Variants in SDK1 observed in about 807,000 individuals in gnomAD.
The protein encoded by SDK1 is sidekick cell adhesion molecule 1.
A neutral mutation model predicts 245.5 loss-of-function variants in SDK1; 157 were observed. That is an observed-to-expected ratio of 0.64 (90% CI 0.56 to 0.73). SDK1 has a LOEUF of 0.73. Ranked by LOEUF, SDK1 falls within the 30% of genes least tolerant of loss-of-function variation. The pLI is 0.00. For synonymous variants in SDK1, 1,647 were observed against 1,278.5 expected (o/e 1.29, Z -6.15); for missense variants, 3,583 against 3,002.3 (o/e 1.19, Z -4.52).
At chr7:3,622,869 TG>T (rs1781986719) in intron 2 of SDK1, among the ~76,000 whole-genome samples, 1 of 152,166 alleles carries the variant, frequency 6.6e-6, no homozygotes, top group South Asian at 2.1e-4. Flanking sequence ...GACACTTAGA[TG>T]GGTTATCAGG....
intron 1 of SDK1, among the ~76,000 whole-genome samples, chr7:3,442,019 C>T (rs959349070): frequency 6.6e-6 from 1 of 152,160 alleles, no homozygotes; most frequent in African/African-American, 2.4e-5. Flanking sequence ...CCTCACGCCA[C>T]AGATGCCAGT....
At position 3,975,945 on chromosome 7, in the gene SDK1, T is replaced by TGAGGCTGC. The variant is rs1554295534; in HGVS notation, c.1994+1401_1994+1408dup. Reference sequence around the variant, plus strand: ...AGAGAATCACTGAGGGTCCCGGGGCTGAGGCTGCCACGCAGAGGGTCCTCC... The same window carrying TGAGGCTGC: ...AGAGAATCACTGAGGGTCCCGGGGCTGAGGCTGCGAGGCTGCCACGCAGAGGGTCCTCC... On this transcript the variant is annotated intron_variant, in intron 13 of 44. Transcript: ENST00000404826. 1.9e-3 allele frequency among the ~76,000 whole-genome samples: 267 copies of TGAGGCTGC among 138,620 alleles called. 1 individual carries two copies. Among genetic ancestry groups the TGAGGCTGC allele is most frequent in the South Asian group, 2.6e-3 (11 of 4,312 alleles). 90.9% of individuals were successfully genotyped at this position (138,620 alleles called of 152,430 possible).
At chr7:3,814,593 C>A (rs1033361231) in intron 4 of SDK1, among the ~76,000 whole-genome samples, 1 of 151,826 alleles carries the variant, frequency 6.6e-6, no homozygotes, top group African/African-American at 2.4e-5. Context: ...CTTGGTGATG[C>A]GGGCTCTTTT....
At chr7:3,530,092 A>G (rs1263313542) in intron 1 of SDK1, among the ~76,000 whole-genome samples, 1 of 152,218 alleles carries the variant, frequency 6.6e-6, no homozygotes, top group Non-Finnish European at 1.5e-5. Context: ...AAAAAGTATA[A>G]TCAAATTATG....
chr7:4,220,443 C>G (rs1268000189), intron 39 of SDK1, among the ~76,000 whole-genome samples, 173 bp downstream of exon 39: 1 of 151,376 alleles, frequency 6.6e-6, no homozygotes, highest in Non-Finnish European at 1.5e-5. Flanking sequence ...CACGCGTCAA[C>G]ATGGAGTTTG....
intron 4 of SDK1, among the ~76,000 whole-genome samples, chr7:3,806,841 G>GT (rs1490003204): frequency 1.3e-5 from 2 of 152,032 alleles, no homozygotes; most frequent in African/African-American, 4.8e-5. Flanking sequence ...TTTTTATCCA[G>GT]TTTTTTCCCG....
chr7:3,982,465 A>G (rs1178081835), intron 13 of SDK1, among the ~76,000 whole-genome samples: 1 of 152,242 alleles, frequency 6.6e-6, no homozygotes, highest in East Asian at 1.9e-4. Context: ...TATAGTTGCC[A>G]TGGATGATAA....
intron 4 of SDK1, among the ~76,000 whole-genome samples, chr7:3,716,114 C>CAAAAAAAAAAAAAAAAA (rs34348813): frequency 1.2e-5 from 1 of 82,130 alleles, no homozygotes. Flanking sequence ...AAAAGGTAGA[C>CAAAAAAAAAAAAAAAAA]AAAAAAAAAA....
rs1247234547 is a variant in SDK1 at position 3,747,667 on chromosome 7, G to A, written c.714-73783G>A. Among the ~76,000 whole-genome samples the A allele has an allele frequency of 6.6e-5, 10 of 151,936 alleles. No individual in the cohort carries two copies. In the East Asian group the frequency reaches 1.9e-3, roughly 29 times the overall value. Reference sequence around the variant, plus strand: ...GAAGTATTGTACTAGGTAGCTGAGGGCCTGTAACTAGAGGATTTAACTTAG... The same window carrying A: ...GAAGTATTGTACTAGGTAGCTGAGGACCTGTAACTAGAGGATTTAACTTAG... On this transcript the variant is annotated intron_variant, in intron 4 of 44. Coordinates refer to ENST00000404826, the MANE Select transcript of SDK1 (RefSeq NM_152744.4).
intron 13 of SDK1, among the ~76,000 whole-genome samples, chr7:3,975,107 G>A (rs1245745475): frequency 1.3e-5 from 2 of 152,150 alleles, no homozygotes; most frequent in African/African-American, 2.4e-5. Flanking sequence ...GAGCCCAGGC[G>A]GGAAACCGTC....
intron 8 of SDK1, among the ~76,000 whole-genome samples, chr7:3,959,909 G>T (rs531111191): frequency 6.6e-6 from 1 of 152,010 alleles, no homozygotes; most frequent in African/African-American, 2.4e-5. Context: ...CTCATGTCGG[G>T]CAGCACAGGT....
At chr7:4,245,524 C>G (rs1786793530) in intron 43 of SDK1, 152 bp from the exon 44 acceptor site, 1 of 781,490 alleles carries the variant, frequency 1.3e-6, no homozygotes. Context: ...AGCCAGTGCT[C>G]AGAATTTTTT....
At chr7:4,121,605 GTATT>G (rs1784071203) in intron 25 of SDK1, among the ~76,000 whole-genome samples, 1 of 152,158 alleles carries the variant, frequency 6.6e-6, no homozygotes, top group East Asian at 1.9e-4. Context: ...CCAGTATTGG[GTATT>G]TATTTATCAC....
chr7:3,502,528 C>T (rs550485729), intron 1 of SDK1, among the ~76,000 whole-genome samples: 8 of 152,262 alleles, frequency 5.3e-5, no homozygotes, highest in South Asian at 2.1e-4. Flanking sequence ...GGATTACAGG[C>T]GTGAACCGCC....
intron 32 of SDK1, among the ~76,000 whole-genome samples, chr7:4,171,669 G>A (rs926881474): frequency 5.9e-5 from 9 of 152,134 alleles, no homozygotes; most frequent in African/African-American, 1.9e-4. Flanking sequence ...GCCAGTGAAG[G>A]GTAAAGAGAG....
intron 4 of SDK1, among the ~76,000 whole-genome samples, chr7:3,738,234 A>G (rs1311762349): frequency 6.6e-6 from 1 of 152,218 alleles, no homozygotes; most frequent in Non-Finnish European, 1.5e-5. Context: ...ATGTGGCGTA[A>G]GATAAGGGTC....
intron 4 of SDK1, among the ~76,000 whole-genome samples, chr7:3,761,327 A>G (rs1227938153): frequency 7.0e-6 from 1 of 142,400 alleles, no homozygotes; most frequent in Non-Finnish European, 1.5e-5. Flanking sequence ...ACTCATGTCA[A>G]CAAGTGAATT....
At chr7:3,458,047 A>G (rs1780723285) in intron 1 of SDK1, among the ~76,000 whole-genome samples, 1 of 152,098 alleles carries the variant, frequency 6.6e-6, no homozygotes, top group African/African-American at 2.4e-5. Flanking sequence ...TTCTCTTGAC[A>G]ATGGAAGTGA....
chr7:4,251,767 A>C (rs1425524447), intron 44 of SDK1, among the ~76,000 whole-genome samples: 1 of 152,272 alleles, frequency 6.6e-6, no homozygotes. Flanking sequence ...CTTTGAAAGC[A>C]GGTCTTTTTA....
Sources: gnomAD v4.1 joint callset for allele counts (sites outside exome capture counted in the v4.1 genomes callset) on GRCh38, gnomAD v4.1.1 for gene constraint, MANE v1.5 for transcripts, NCBI Gene and HGNC (gene_info 2026-07-23, HGNC 2026-07-21) for gene names.